ARHGAP26: variants seen among roughly 807,000 people sequenced by gnomAD.
The protein encoded by ARHGAP26 is Rho GTPase activating protein 26, also known as rho GTPase-activating protein 26.
Under a neutral mutation model 104.8 loss-of-function variants are expected in ARHGAP26, and 38 were observed. The observed-to-expected ratio is 0.36, with a 90% CI of 0.28 to 0.48. The LOEUF (loss-of-function observed/expected upper bound fraction) is 0.48. ARHGAP26 is among the 20% of genes least tolerant of loss of function. ARHGAP26 has a pLI of 0.99. For synonymous variants in ARHGAP26, 341 were observed against 340.0 expected, an observed-to-expected ratio of 1.00 and a Z score of -0.03; for missense variants, 704 against 947.9, an observed-to-expected ratio of 0.74 and a Z score of 3.38.
chr5:143,150,192 A>G (rs1799651905), intron 20 of ARHGAP26, among the ~76,000 whole-genome samples: 1 of 152,206 alleles, frequency 6.6e-6, no homozygotes, highest in African/African-American at 2.4e-5. Flanking sequence ...GACAATTGGT[A>G]AGTCAGGACC....
intron 12 of ARHGAP26, among the ~76,000 whole-genome samples, chr5:143,031,923 A>T (rs1165497162): frequency 1.3e-5 from 2 of 151,968 alleles, no homozygotes; most frequent in Non-Finnish European, 2.9e-5. Context: ...TCTGGATGTA[A>T]CCTGCCTCCA....
At chr5:142,951,169 C>G (rs1181344516) in intron 11 of ARHGAP26, among the ~76,000 whole-genome samples, 1 of 152,142 alleles carries the variant, frequency 6.6e-6, no homozygotes, top group South Asian at 2.1e-4. Context: ...AAGCGATTCT[C>G]CTGCTTCAGC....
intron 5 of ARHGAP26, among the ~76,000 whole-genome samples, chr5:142,886,014 A>C (rs1440276264): frequency 1.3e-5 from 2 of 152,250 alleles, no homozygotes; most frequent in Non-Finnish European, 2.9e-5. Flanking sequence ...ACTTGGAAAG[A>C]AAAATGATGG....
intron 20 of ARHGAP26, among the ~76,000 whole-genome samples, chr5:143,197,203 A>G (rs1335511810): frequency 1.3e-5 from 2 of 152,220 alleles, no homozygotes; most frequent in East Asian, 1.9e-4. Flanking sequence ...CAGTGTACAC[A>G]TAACACACCT....
intron 14 of ARHGAP26, among the ~76,000 whole-genome samples, chr5:143,049,691 C>A (rs1784721523): frequency 6.6e-6 from 1 of 152,190 alleles, no homozygotes; most frequent in East Asian, 1.9e-4. Context: ...CTGTTAGAAT[C>A]ATTATCTTAC....
intron 20 of ARHGAP26, among the ~76,000 whole-genome samples, chr5:143,158,968 A>T (rs1279235061): frequency 6.6e-6 from 1 of 152,174 alleles, no homozygotes; most frequent in African/African-American, 2.4e-5. Flanking sequence ...AAATAACATA[A>T]CTCAAGGAGG....
intron 11 of ARHGAP26, among the ~76,000 whole-genome samples, chr5:143,008,780 A>G (rs1191963947): frequency 6.6e-6 from 1 of 152,298 alleles, no homozygotes; most frequent in Middle Eastern, 3.4e-3. Flanking sequence ...CATTTGAAAA[A>G]CAAGCCTCTC....
chr5:142,997,049 C>T (rs1357593792), intron 11 of ARHGAP26, among the ~76,000 whole-genome samples: 1 of 152,028 alleles, frequency 6.6e-6, no homozygotes, highest in Non-Finnish European at 1.5e-5. Flanking sequence ...TATTGTAGCA[C>T]AAAAACAGCT....
intron 20 of ARHGAP26, among the ~76,000 whole-genome samples, chr5:143,167,407 G>C (rs1014825790): frequency 2.0e-4 from 29 of 142,740 alleles, no homozygotes; most frequent in Middle Eastern, 3.6e-3. Context: ...ACTTGAACCC[G>C]GGGGGGAAGA....
intron 1 of ARHGAP26, among the ~76,000 whole-genome samples, chr5:142,850,606 G>C (rs369929953): frequency 6.6e-6 from 1 of 152,162 alleles, no homozygotes; most frequent in Non-Finnish European, 1.5e-5. Flanking sequence ...CAGTCTCTCC[G>C]TAAAATAGGT....
At chr5:142,984,156 C>T (rs1209936444) in intron 11 of ARHGAP26, among the ~76,000 whole-genome samples, 1 of 152,166 alleles carries the variant, frequency 6.6e-6, no homozygotes, top group Non-Finnish European at 1.5e-5. Context: ...GTGGTTCAGG[C>T]AGGGAGAAGG....
chr5:143,211,538 G>A (rs1599539117), intron 21 of ARHGAP26, among the ~76,000 whole-genome samples: 2 of 151,698 alleles, frequency 1.3e-5, no homozygotes, highest in South Asian at 2.1e-4. Context: ...AAAAAACAAG[G>A]CCCTTTCTTG....
chr5:142,782,518 A>G (rs911235186), intron 1 of ARHGAP26, among the ~76,000 whole-genome samples: 2 of 152,180 alleles, frequency 1.3e-5, no homozygotes, highest in Non-Finnish European at 2.9e-5. Context: ...GGTGATTCTA[A>G]TGTGCAGCAA....
chr5:142,906,678 A>G (rs527456193), intron 8 of ARHGAP26, among the ~76,000 whole-genome samples: 3 of 152,302 alleles, frequency 2.0e-5, no homozygotes, highest in South Asian at 2.1e-4. Context: ...GTGTTGTTCA[A>G]TTACTGGAAT....
chr5:142,771,895 T>C (rs1755282330), intron 1 of ARHGAP26, among the ~76,000 whole-genome samples: 1 of 152,214 alleles, frequency 6.6e-6, no homozygotes, highest in African/African-American at 2.4e-5. Flanking sequence ...GTGCTTTGGA[T>C]TGTGAGAACG....
chr5:142,931,779 A>G (rs542258933), intron 10 of ARHGAP26, among the ~76,000 whole-genome samples: 9 of 152,354 alleles, frequency 5.9e-5, no homozygotes, highest in Non-Finnish European at 8.8e-5. Context: ...TAAAGGCATC[A>G]CTTAACTCCT....
At chr5:142,772,885 A>G (rs373193587) in intron 1 of ARHGAP26, 6 of 533,272 alleles carry the variant, frequency 1.1e-5, no homozygotes, top group Non-Finnish European at 2.3e-5. Context: ...TCCTACCACT[A>G]GTTTTTGGGG....
chr5:143,138,082 C>T (rs1234681184), intron 19 of ARHGAP26, among the ~76,000 whole-genome samples: 1 of 152,124 alleles, frequency 6.6e-6, no homozygotes, highest in Non-Finnish European at 1.5e-5. Context: ...GTTGTGTGCC[C>T]AGGTCCCTGC....
At chr5:143,125,460 G>A (rs965125939) in intron 18 of ARHGAP26, among the ~76,000 whole-genome samples, 3 of 152,204 alleles carry the variant, frequency 2.0e-5, no homozygotes, top group Non-Finnish European at 2.9e-5. Context: ...GTCAGATAGA[G>A]TGCACTAACG....
Sources: allele counts gnomAD v4.1 joint callset (sites outside exome capture counted in the v4.1 genomes callset), GRCh38; gene constraint gnomAD v4.1.1; transcripts MANE v1.5; gene names NCBI Gene and HGNC (gene_info 2026-07-23, HGNC 2026-07-21).